Variants in DSP observed in about 807,000 individuals in gnomAD.
The protein encoded by DSP is 250/210 kDa paraneoplastic pemphigus antigen.
A neutral mutation model predicts 290.6 loss-of-function variants in DSP; 114 were observed. The ratio of observed to expected loss-of-function variants is 0.39; its 90% CI spans 0.34 to 0.46. The LOEUF (loss-of-function observed/expected upper bound fraction) is 0.46, where lower values mean the gene tolerates loss of function less well. Ranked by LOEUF, DSP falls within the 20% of genes least tolerant of loss-of-function variation. The probability of loss-of-function intolerance (pLI) is 0.99; values close to 1 mark genes in which losing one functional copy is unlikely to be tolerated. For synonymous variants in DSP, 1,311 were observed against 1,316.4 expected (o/e 1.00, Z 0.09); for missense variants, 3,230 against 3,495.8 (o/e 0.92, Z 1.92).
chr6:7,582,577 C>A lies in DSP; in HGVS notation c.5380-65C>A. On this transcript the variant is annotated intron_variant, in intron 23 of 23. Transcript: ENST00000379802. The surrounding 1 kb of genome is among the most constrained non-coding windows in gnomAD (Gnocchi z 4.2). ...ATAGATACACAAAAGAAAGTTAAGT[C>A]GTGATAGTAATATGATATGATTCAA... The A allele has an allele frequency of 7.3e-7, 1 of 1,366,374 alleles. No homozygotes were observed. 84.6% of individuals were successfully genotyped at this position (1,366,374 alleles called of 1,614,324 possible).
Position 7,579,141 on chromosome 6 carries a change from C to A in DSP, c.3085-134C>A. On this transcript the variant is annotated intron_variant, in intron 22 of 23. Coordinates refer to ENST00000379802, the MANE Select transcript of DSP (RefSeq NM_004415.4). This position sits in a 1 kb window ranked among gnomAD's most constrained non-coding sequence, Gnocchi z 4.1. The stretch of plus-strand genomic sequence containing the variant: ...CAGATTTCTTGAATATTTGCCTAGT[C>A]ACTCTTTGCATGTATGTCCATGTGT... 1 of 1,247,860 alleles carries A rather than the reference C, an allele frequency of 8.0e-7. No individual in the cohort carries two copies. The highest frequency in any genetic ancestry group is 1.1e-6 in the Non-Finnish European group (1 of 899,422). 77.3% of individuals were successfully genotyped at this position (1,247,860 alleles called of 1,614,324 possible). A position where few individuals can be genotyped will look rare whatever the true frequency, so the allele number is the denominator to read the frequency against.
In DSP at chr6:7,577,843, A is replaced by G. The variant is rs1401486915; in HGVS notation, c.2942A>G (p.Lys981Arg). 1 of 1,614,202 alleles carries G rather than the reference A, an allele frequency of 6.2e-7. No individual in the cohort carries two copies. Among genetic ancestry groups the G allele is most frequent in the Non-Finnish European group, 8.5e-7 (1 of 1,180,046 alleles). ...GLETLLNIPIKRTMIQSPSGV... is the reference protein window; with the variant it reads ...GLETLLNIPIRRTMIQSPSGV... ...GAAACTCTGCTGAACATACCTATCA[A>G]GAGGACCATGATTCAGTCCCCTTCT... Residue 981 changes from lysine (K) to arginine (R), a missense_variant, in exon 21 of 24, where the codon AAG (lysine) becomes AGG (arginine). Transcript: ENST00000379802.
intron 1 of DSP, among the ~76,000 whole-genome samples, chr6:7,544,394 T>C (rs1010949580): frequency 2.0e-4 from 30 of 152,204 alleles, no homozygotes; most frequent in African/African-American, 7.0e-4. Flanking sequence ...GAGCCACTGC[T>C]CTCTGCTAAG....
chr6:7,577,181 T>A, intron 20 of DSP, 139 bp downstream of exon 20: 2 of 654,570 alleles, frequency 3.1e-6, no homozygotes, highest in Non-Finnish European at 5.0e-6. Flanking sequence ...GAACAAACCA[T>A]AAAAATTAAA....
At position 7,577,060 on chromosome 6, in the gene DSP, A is replaced by C. The variant is rs373128748; in HGVS notation, c.2877+18A>C. 6.3e-7 allele frequency: 1 copy of C among 1,590,760 alleles called. No homozygotes were observed. The stretch of plus-strand genomic sequence containing the variant: ...CAATTAAGGTATGTTGGTTTCATAA[A>C]GAATGTTGGTATTTCACCAAGATTA... On this transcript the variant is annotated intron_variant, in intron 20 of 23. Coordinates refer to ENST00000379802, the MANE Select transcript of DSP (RefSeq NM_004415.4).
At chr6:7,578,737 C>A (rs2744378) in intron 22 of DSP, among the ~76,000 whole-genome samples, 175 bp downstream of exon 22, 2 of 152,002 alleles carry the variant, frequency 1.3e-5, no homozygotes, top group Non-Finnish European at 1.5e-5. Context: ...TGCTCCAATA[C>A]GCTGCTTTAA....
At chr6:7,571,673 T>C in intron 14 of DSP, 89 bp downstream of exon 14, 1 of 1,551,284 alleles carries the variant, frequency 6.4e-7, no homozygotes, top group South Asian at 1.1e-5. Flanking sequence ...TCAGAACCAT[T>C]TCTCTGAATG....
Position 7,557,998 on chromosome 6 carries a change from C to T in DSP, c.274-118C>T, listed in dbSNP as rs538185614. ...TCTTATCTCAATAAGATCATTTTCA[C>T]TGGCGAAACTTACAGTTTTTGTCAT... On this transcript the variant is annotated intron_variant, in intron 2 of 23. Transcript: ENST00000379802. The T allele has an allele frequency of 5.6e-5, 71 of 1,262,100 alleles. 1 individual carries two copies. The Admixed American group carries it at 1.2e-3, about 21-fold the overall frequency. The allele number at this position is 1,262,100 out of a possible 1,614,324, so 78.2% of individuals were successfully genotyped here. A position where few individuals can be genotyped will look rare whatever the true frequency, so the allele number is the denominator to read the frequency against.
In DSP at chr6:7,580,188, A is replaced by T; in HGVS notation, c.3998A>T (p.Glu1333Val). Reference sequence around the variant, plus strand: ...AAGGAGATCGAGAGACTCAAAGCTGAGTTTCAGGAGGAGGCCAAGCGCCGC... The same window carrying T: ...AAGGAGATCGAGAGACTCAAAGCTGTGTTTCAGGAGGAGGCCAAGCGCCGC... The part of the protein sequence containing the change: ...KNKEIERLKA[E>V]FQEEAKRRWE... Residue 1333 changes from glutamate (E) to valine (V), a missense_variant, in exon 23 of 24, where the codon GAG becomes GTG. Around this residue, in one of 5 missense-constraint regions of DSP, gnomAD observed 1,714 missense variants for 1,844.5 expected, o/e 0.93. Coordinates refer to ENST00000379802, the MANE Select transcript of DSP (RefSeq NM_004415.4). The surrounding 1 kb of genome is among the most constrained non-coding windows in gnomAD (Gnocchi z 4.2). 1.9e-6 allele frequency: 3 copies of T among 1,614,080 alleles called. No individual in the cohort carries two copies. The highest frequency in any genetic ancestry group is 1.7e-6 in the Non-Finnish European group (2 of 1,180,012).
intron 1 of DSP, among the ~76,000 whole-genome samples, chr6:7,549,990 TTTTC>T (rs1470874971): frequency 1.3e-5 from 2 of 152,196 alleles, no homozygotes; most frequent in African/African-American, 2.4e-5. Context: ...TTTTTGTGTT[TTTTC>T]TTTATCTTTT....
chr6:7,545,822 G>T (rs1197807445), intron 1 of DSP, among the ~76,000 whole-genome samples: 2 of 152,232 alleles, frequency 1.3e-5, no homozygotes, highest in Non-Finnish European at 2.9e-5. Flanking sequence ...GGATGGGTGG[G>T]CAGAGAGCCT....
chr6:7,571,406 T>C lies in DSP; in HGVS notation c.1725T>C (p.Asp575=), dbSNP rs756392585. 152 of 1,613,986 alleles carry C rather than the reference T, an allele frequency of 9.4e-5. No individual in the cohort carries two copies. Among genetic ancestry groups the C allele is most frequent in the Non-Finnish European group, 1.3e-4 (148 of 1,180,038 alleles). Reference sequence around the variant, plus strand: ...AGCTGAAAACAATGCGGCAGGAAGATTACATGAAGACGATAGCCGACCTTG... The same window carrying C: ...AGCTGAAAACAATGCGGCAGGAAGACTACATGAAGACGATAGCCGACCTTG... ...IAKLKTMRQE[D]YMKTIADLEL... The change falls in exon 14 of 24, where the codon GAT becomes GAC. Residue 575 remains aspartate (D), a synonymous_variant. Transcript: ENST00000379802.
chr6:7,586,113 G>T lies in DSP; in HGVS notation c.*235G>T. Reference sequence around the variant, plus strand: ...TGCAGTGCGTCTGAAGTGCTAATCAGTTGTAACAATAGCACAAATCGAACT... The same window carrying T: ...TGCAGTGCGTCTGAAGTGCTAATCATTTGTAACAATAGCACAAATCGAACT... On this transcript the variant is annotated 3_prime_UTR_variant, in exon 24 of 24. Transcript: ENST00000379802. 1 of 504,014 alleles carries T rather than the reference G, an allele frequency of 2.0e-6. No homozygotes were observed. Among genetic ancestry groups the T allele is most frequent in the East Asian group, 3.4e-5 (1 of 29,242 alleles). The allele number at this position is 504,014 out of a possible 1,614,324, so 31.2% of individuals were successfully genotyped here.
In DSP at chr6:7,577,873, T is replaced by G. The variant is rs1259848373; in HGVS notation, c.2972T>G (p.Val991Gly). The change falls in exon 21 of 24, where the codon GTG becomes GGG. Residue 991 changes from valine to glycine, a missense_variant. Physicochemically the swap from Val to Gly is moderately radical, Grantham distance 109. This residue lies in a region of DSP where 1,714 missense variants were observed against 1,844.5 expected (regional missense o/e 0.93). Coordinates refer to ENST00000379802, the MANE Select transcript of DSP (RefSeq NM_004415.4). ...KRTMIQSPSG[V>G]ILQEAADVHA... ...ACCATGATTCAGTCCCCTTCTGGGGTGATTCTGCAAGAGGTATATATGTCA... is the reference window on the plus strand; with the variant it reads ...ACCATGATTCAGTCCCCTTCTGGGGGGATTCTGCAAGAGGTATATATGTCA... The G allele has an allele frequency of 6.2e-7, 1 of 1,613,912 alleles. No homozygotes were observed.
At chr6:7,555,525 AAT>A (rs1758482080) in intron 1 of DSP, among the ~76,000 whole-genome samples, 191 bp from the exon 2 acceptor site, 1 of 152,204 alleles carries the variant, frequency 6.6e-6, no homozygotes, top group East Asian at 1.9e-4. Flanking sequence ...CACACAGATA[AAT>A]ACACACACAT....
intron 6 of DSP, among the ~76,000 whole-genome samples, chr6:7,564,805 C>G (rs993665190): frequency 6.6e-6 from 1 of 151,950 alleles, no homozygotes; most frequent in Admixed American, 6.6e-5. Context: ...ATATGTACAA[C>G]TATATCAGTA....
chr6:7,576,931 A>G, intron 19 of DSP, 28 bp from the exon 20 acceptor site: 1 of 1,584,048 alleles, frequency 6.3e-7, no homozygotes, highest in Non-Finnish European at 8.7e-7. Flanking sequence ...ATGCATTAAC[A>G]TTGGTAAATA....
At chr6:7,549,237 C>T (rs1210712726) in intron 1 of DSP, among the ~76,000 whole-genome samples, 1 of 152,122 alleles carries the variant, frequency 6.6e-6, no homozygotes, top group Non-Finnish European at 1.5e-5. Flanking sequence ...GCAACCTCCA[C>T]CTCCCAGGTT....
At position 7,582,747 on chromosome 6, in the gene DSP, C is replaced by T; in HGVS notation, c.5485C>T (p.Leu1829=). The T allele has an allele frequency of 6.2e-7, 1 of 1,613,746 alleles. No homozygotes were observed. Among genetic ancestry groups the T allele is most frequent in the South Asian group, 1.1e-5 (1 of 91,050 alleles). The part of the protein sequence containing the change: ...IKVLEQDKAR[L]QRLEDELNRA... ...AGTCCTGGAGCAAGACAAGGCAAGG[C>T]TGCAGAGGCTGGAGGATGAGCTGAA... The change falls in exon 24 of 24, where the codon CTG becomes TTG. Residue 1829 remains leucine (L), a synonymous_variant. Coordinates refer to ENST00000379802, the MANE Select transcript of DSP (RefSeq NM_004415.4). The surrounding 1 kb of genome is among the most constrained non-coding windows in gnomAD (Gnocchi z 4.2).
Sources: gnomAD v4.1 joint callset for allele counts (sites outside exome capture counted in the v4.1 genomes callset) on GRCh38, gnomAD v4.1.1 for gene constraint, gnomAD v4.1.1 regional missense constraint, Gnocchi (gnomAD v3.1) non-coding constraint, MANE v1.5 for transcripts, NCBI Gene and HGNC (gene_info 2026-07-23, HGNC 2026-07-21) for gene names.